Variants in FGD6 observed in about 807,000 individuals in gnomAD.
The protein encoded by FGD6 is FYVE, RhoGEF and PH domain containing 6, also known as FYVE, RhoGEF and PH domain-containing protein 6.
In FGD6, 90 loss-of-function variants were observed where a neutral mutation model predicts 149.4. The ratio of observed to expected loss-of-function variants is 0.60; its 90% CI spans 0.51 to 0.72. The LOEUF is 0.72. Ranked by LOEUF, FGD6 falls within the 30% of genes least tolerant of loss-of-function variation. FGD6 has a pLI of 0.00. For missense variants in FGD6, 1,437 were observed against 1,684.8 expected (o/e 0.85, Z 2.57); for synonymous variants, 527 against 584.0 (o/e 0.90, Z 1.41).
chr12:95,207,228 C>T (rs2056697326), intron 2 of FGD6, among the ~76,000 whole-genome samples: 1 of 152,150 alleles, frequency 6.6e-6, no homozygotes, highest in African/African-American at 2.4e-5. Context: ...TGCACTTCTC[C>T]TTGCTGCCCC....
chr12:95,134,876 G>A (rs759783574), intron 7 of FGD6, 50 bp from the exon 8 acceptor site: 2 of 1,501,212 alleles, frequency 1.3e-6, no homozygotes, highest in South Asian at 2.5e-5. Context: ...AAGAAGCAAG[G>A]GACCCAGATT....
rs1878181259 is a variant in FGD6, at chr12:95,094,648, T to C, written c.3544A>G (p.Ile1182Val). The C allele has an allele frequency of 1.2e-6, 2 of 1,613,902 alleles. No individual in the cohort carries two copies. The highest frequency in any genetic ancestry group is 1.7e-6 in the Non-Finnish European group (2 of 1,179,980). ...ATTCTTTTCTTGGCATACTCTTCTA[T>C]TGCCCTGGAAATCGCTTCTAGCCAT... ...DEWLEAISRA[I>V]EEYAKKRITF... The change falls in exon 15 of 21, where the codon ATA becomes GTA. Residue 1182 changes from isoleucine (I) to valine (V), a missense_variant. Around this residue, in one of 2 missense-constraint regions of FGD6, gnomAD observed 382 missense variants for 538.7 expected, o/e 0.71. Transcript: ENST00000343958.
chr12:95,202,030 A>G (rs536167430), intron 2 of FGD6, among the ~76,000 whole-genome samples: 63 of 151,546 alleles, frequency 4.2e-4, no homozygotes, highest in Admixed American at 2.6e-4. Context: ...TTTGTAGTCT[A>G]TATTTTTTTC....
chr12:95,213,678 T>C lies in FGD6; in HGVS notation c.17-2411A>G, dbSNP rs199777307. ...AATCCCTGGTACCAATTTTACTCTT[T>C]TTAAAAAATGCGTTTTGTACACAAA... On this transcript the variant is annotated intron_variant, in intron 1 of 20. Coordinates refer to ENST00000343958, the MANE Select transcript of FGD6 (RefSeq NM_018351.4). Among the ~76,000 whole-genome samples the C allele has an allele frequency of 3.3e-5, 5 of 152,346 alleles. No individual in the cohort carries two copies. The East Asian group carries it at 9.7e-4, about 29-fold the overall frequency.
At chr12:95,111,825 T>C (rs1052585940) in intron 9 of FGD6, among the ~76,000 whole-genome samples, 1 of 151,940 alleles carries the variant, frequency 6.6e-6, no homozygotes, top group Non-Finnish European at 1.5e-5. Context: ...AAAAGCATAA[T>C]GTACACAAAC....
At chr12:95,171,377 C>T (rs144285201) in intron 3 of FGD6, among the ~76,000 whole-genome samples, 78 of 152,250 alleles carry the variant, frequency 5.1e-4, no homozygotes, top group African/African-American at 1.9e-3. Flanking sequence ...TTTCAAATTC[C>T]ATATTGCTGT....
intron 2 of FGD6, chr12:95,189,401 A>C (rs1293194678): frequency 6.6e-6 from 1 of 152,358 alleles, no homozygotes; most frequent in Non-Finnish European, 1.5e-5. Flanking sequence ...TAATCCCAGC[A>C]CTTTGGGAAG....
At chr12:95,149,530 T>C (rs118067623) in intron 5 of FGD6, among the ~76,000 whole-genome samples, 26,283 of 137,332 alleles carry the variant, frequency 0.19, 2,739 homozygotes, top group Non-Finnish European at 0.21. Flanking sequence ...TTTTATATAG[T>C]ATTATATATA....
chr12:95,196,192 A>T (rs1263909923), intron 2 of FGD6, among the ~76,000 whole-genome samples: 2 of 152,218 alleles, frequency 1.3e-5, no homozygotes, highest in Admixed American at 1.3e-4. Context: ...TTTAACAGCC[A>T]AGTACAGTTT....
intron 6 of FGD6, 53 bp from the exon 7 acceptor site, chr12:95,137,731 T>C (rs1879713015): frequency 7.7e-7 from 1 of 1,298,940 alleles, no homozygotes; most frequent in Non-Finnish European, 1.0e-6. Flanking sequence ...TTGATGAACA[T>C]ATGCAATGAT....
At chr12:95,167,791 TATCGAACTCCTGACCTCAAGTG>T (rs1880866045) in intron 3 of FGD6, among the ~76,000 whole-genome samples, 2 of 152,102 alleles carry the variant, frequency 1.3e-5, no homozygotes, top group Admixed American at 1.3e-4. Context: ...GCCAGACTGG[TATCGAACTCCTGACCTCAAGTG>T]ATCTGCCCGC....
chr12:95,081,481 C>T lies in FGD6; in HGVS notation c.*39G>A, dbSNP rs1363078968. ...CATTTACTCCATTCTGATGAAATTC[C>T]ACCTCTTTGGAATCACAGAAGAGAT... On this transcript the variant is annotated 3_prime_UTR_variant, in exon 21 of 21. Transcript: ENST00000343958. 5.1e-6 allele frequency: 8 copies of T among 1,562,252 alleles called. No homozygotes were observed. The highest frequency in any genetic ancestry group is 6.9e-6 in the Non-Finnish European group (8 of 1,151,180).
chr12:95,084,581 A>T lies in FGD6; in HGVS notation c.4173T>A (p.Asn1391Lys), dbSNP rs369973343. ...GFTVIQVKDE[N>K]SESKVFQLLH... ...GTAACTGAAATACTTTAGACTCGGA[A>T]TTCTCATCTTTAACTTGAATAACAG... The change falls in exon 20 of 21, where the codon AAT becomes AAA. Residue 1391 changes from asparagine (N) to lysine (K), a missense_variant. This residue lies in a region of FGD6 where 382 missense variants were observed against 538.7 expected (regional missense o/e 0.71). Transcript: ENST00000343958. 2 of 1,609,184 alleles carry T rather than the reference A, an allele frequency of 1.2e-6. No individual in the cohort carries two copies. The highest frequency in any genetic ancestry group is 1.7e-6 in the Non-Finnish European group (2 of 1,178,436).
intron 3 of FGD6, among the ~76,000 whole-genome samples, chr12:95,155,812 C>A (rs1229143408): frequency 6.6e-6 from 1 of 152,054 alleles, no homozygotes; most frequent in African/African-American, 2.4e-5. Flanking sequence ...AGTCAGGAAC[C>A]CCAAATGGAG....
At chr12:95,086,043 G>A (rs1467877560) in intron 18 of FGD6, 135 bp from the exon 19 acceptor site, 9 of 897,790 alleles carry the variant, frequency 1.0e-5, no homozygotes, top group East Asian at 2.5e-5. Context: ...TTTTCAAAGT[G>A]CTACTATACA....
chr12:95,100,780 C>A (rs895902697), intron 14 of FGD6: 6 of 459,826 alleles, frequency 1.3e-5, no homozygotes, highest in African/African-American at 1.2e-4. Flanking sequence ...TAGTGATGAG[C>A]GAACAGAAAA....
chr12:95,184,959 C>T (rs1881388412), intron 2 of FGD6, among the ~76,000 whole-genome samples: 1 of 152,060 alleles, frequency 6.6e-6, no homozygotes, highest in Non-Finnish European at 1.5e-5. Flanking sequence ...CTGCAACCTC[C>T]GCCTCCCAGG....
At chr12:95,198,220 T>A (rs574380228) in intron 2 of FGD6, among the ~76,000 whole-genome samples, 77 of 152,304 alleles carry the variant, frequency 5.1e-4, no homozygotes, top group African/African-American at 1.8e-3. Context: ...TCAGTCTGTC[T>A]CAGGATCAGA....
intron 2 of FGD6, among the ~76,000 whole-genome samples, chr12:95,179,960 C>T (rs553200129): frequency 1.3e-5 from 2 of 152,114 alleles, no homozygotes; most frequent in South Asian, 4.2e-4. Context: ...TACCTGTAAT[C>T]CCAGCTACAC....
Sources: allele counts gnomAD v4.1 joint callset (sites outside exome capture counted in the v4.1 genomes callset), GRCh38; gene constraint gnomAD v4.1.1; regional missense constraint gnomAD v4.1.1; transcripts MANE v1.5; gene names NCBI Gene and HGNC (gene_info 2026-07-23, HGNC 2026-07-21).